BCAN: variants seen among roughly 807,000 people sequenced by gnomAD.
The protein encoded by BCAN is brevican core protein.
BCAN carries 51 observed loss-of-function variants against 92.4 expected under a neutral mutation model. The observed-to-expected ratio is 0.55, with a 90% CI of 0.44 to 0.70. BCAN has a LOEUF of 0.70. Ranked by LOEUF, BCAN falls within the 30% of genes least tolerant of loss-of-function variation. BCAN has a pLI of 0.00. For missense variants in BCAN, 1,140 were observed against 1,212.1 expected (o/e 0.94, Z 0.88); for synonymous variants, 501 against 505.2 (o/e 0.99, Z 0.11).
chr1:156,645,404 A>C (rs1678929514), intron 1 of BCAN, among the ~76,000 whole-genome samples: 1 of 152,140 alleles, frequency 6.6e-6, no homozygotes, highest in South Asian at 2.1e-4. Context: ...TAAAGAGAGG[A>C]GTTTCCTTAC....
At position 156,647,217 on chromosome 1, in the gene BCAN, G is replaced by A. The variant is rs1242634653; in HGVS notation, c.466+42G>A. On this transcript the variant is annotated intron_variant, in intron 3 of 13. Transcript: ENST00000329117. This position sits in a 1 kb window ranked among gnomAD's most constrained non-coding sequence, Gnocchi z 4.8. ...GTTCCAGAGGGAGGGAGGGAGGGAG[G>A]GAAGGGAGGACTCTTGCCTTCGGGG... 1.5e-6 allele frequency: 2 copies of A among 1,300,890 alleles called. No individual in the cohort carries two copies. Among genetic ancestry groups the A allele is most frequent in the Non-Finnish European group, 2.1e-6 (2 of 946,798 alleles). The allele number at this position is 1,300,890 out of a possible 1,614,324, so 80.6% of individuals were successfully genotyped here.
At chr1:156,657,581 G>C in intron 10 of BCAN, 94 bp from the exon 11 acceptor site, 1 of 979,460 alleles carries the variant, frequency 1.0e-6, no homozygotes, top group Non-Finnish European at 1.5e-6. Flanking sequence ...TCGCGGGGAA[G>C]GGTTTCCAAG....
intron 1 of BCAN, among the ~76,000 whole-genome samples, chr1:156,645,524 C>G (rs1236617022): frequency 1.3e-5 from 2 of 151,898 alleles, no homozygotes; most frequent in African/African-American, 4.8e-5. Flanking sequence ...GTATGGTGTC[C>G]CTGGAGGCAG....
intron 1 of BCAN, among the ~76,000 whole-genome samples, chr1:156,645,057 C>T (rs1678914475): frequency 6.6e-6 from 1 of 152,232 alleles, no homozygotes; most frequent in Admixed American, 6.5e-5. Flanking sequence ...TTCTCAATGT[C>T]ACAACACATC....
At position 156,658,172 on chromosome 1, in the gene BCAN, T is replaced by C. The variant is rs1230554852; in HGVS notation, c.2338T>C (p.Ser780Pro). 1 of 1,613,928 alleles carries C rather than the reference T, an allele frequency of 6.2e-7. No individual in the cohort carries two copies. Among genetic ancestry groups the C allele is most frequent in the Non-Finnish European group, 8.5e-7 (1 of 1,179,988 alleles). Residue 780 changes from serine (S) to proline (P), a missense_variant, in exon 12 of 14, where the codon TCT becomes CCT. By Grantham distance (74) the Ser-to-Pro change is moderately conservative (BLOSUM62 -1). This residue lies in a region of BCAN where 825 missense variants were observed against 871.8 expected (regional missense o/e 0.95). Coordinates refer to ENST00000329117, the MANE Select transcript of BCAN (RefSeq NM_021948.5). The surrounding 1 kb of genome is among the most constrained non-coding windows in gnomAD (Gnocchi z 4.4). Reference protein sequence around the residue: ...NPGQPDSYFLSGENCVVMVWH... With the variant: ...NPGQPDSYFLPGENCVVMVWH... ...TGGGCAGCCTGACAGCTACTTCCTG[T>C]CTGGAGAGAACTGCGTGGTCATGGT... is the stretch of plus-strand genomic sequence containing the variant.
intron 7 of BCAN, 130 bp from the exon 8 acceptor site, chr1:156,652,118 C>G: frequency 8.0e-7 from 1 of 1,254,506 alleles, no homozygotes; most frequent in Non-Finnish European, 1.1e-6. Flanking sequence ...GACCACCTGT[C>G]CTCAGGGCGG....
chr1:156,650,125 GGTAGTA>G (rs376981111), intron 6 of BCAN, among the ~76,000 whole-genome samples: 4 of 151,432 alleles, frequency 2.6e-5, no homozygotes, highest in African/African-American at 9.7e-5. Flanking sequence ...CTGGAACAGG[GGTAGTA>G]GTAGTAGTAG....
chr1:156,651,735 T>C (rs1360016373), intron 7 of BCAN, 46 bp downstream of exon 7: 3 of 1,532,996 alleles, frequency 2.0e-6, no homozygotes, highest in African/African-American at 2.7e-5. Flanking sequence ...TGAAAGAAGT[T>C]GGGGGCAGAA....
Position 156,658,138 on chromosome 1 carries a change from C to G in BCAN, c.2304C>G (p.Asn768Lys), listed in dbSNP as rs763026907. ...WSDGVPLLYE[N>K]WNPGQPDSYF... ...CTCCGTTCCCCCAGCTCTATGAGAA[C>G]TGGAACCCTGGGCAGCCTGACAGCT... The change falls in exon 12 of 14, where the codon AAC becomes AAG. Residue 768 changes from asparagine (N) to lysine (K), a missense_variant. Physicochemically the swap from Asn to Lys is moderately conservative, Grantham distance 94. Coordinates refer to ENST00000329117, the MANE Select transcript of BCAN (RefSeq NM_021948.5). This position sits in a 1 kb window ranked among gnomAD's most constrained non-coding sequence, Gnocchi z 4.4. 1.7e-5 allele frequency: 28 copies of G among 1,613,842 alleles called. No homozygotes were observed. Among genetic ancestry groups the G allele is most frequent in the Non-Finnish European group, 2.2e-5 (26 of 1,179,916 alleles).
At chr1:156,655,736 G>T (rs1679302023) in intron 8 of BCAN, among the ~76,000 whole-genome samples, 2 of 152,086 alleles carry the variant, frequency 1.3e-5, no homozygotes, top group Admixed American at 6.5e-5. Flanking sequence ...CAGGTCTCAG[G>T]AGCAGTCAAG....
intron 8 of BCAN, among the ~76,000 whole-genome samples, chr1:156,655,447 T>A (rs562833499): frequency 1.1e-4 from 17 of 151,922 alleles, no homozygotes; most frequent in African/African-American, 3.1e-4. Context: ...AGGCCCAAAG[T>A]GGAGTTGGGA....
chr1:156,646,112 G>A lies in BCAN; in HGVS notation c.58G>A (p.Ala20Thr). ...CCTGGTCCTGGCCCAGGCTCCTGCA[G>A]CTTTAGCAGATGTTCTGGAAGGAGA... ...AALVLAQAPA[A>T]LADVLEGDSS... Residue 20 changes from alanine (A) to threonine (T), a missense_variant, in exon 2 of 14, where the codon GCT becomes ACT. Around this residue, in one of 3 missense-constraint regions of BCAN, gnomAD observed 286 missense variants for 284.1 expected, o/e 1.01. Transcript: ENST00000329117. 1 of 1,613,896 alleles carries A rather than the reference G, an allele frequency of 6.2e-7. No individual in the cohort carries two copies. Among genetic ancestry groups the A allele is most frequent in the Non-Finnish European group, 8.5e-7 (1 of 1,179,804 alleles).
chr1:156,647,211 A>T lies in BCAN; in HGVS notation c.466+36A>T. 2 of 204,720 alleles carry T rather than the reference A, an allele frequency of 9.8e-6. No individual in the cohort carries two copies. The highest frequency in any genetic ancestry group is 2.0e-5 in the Non-Finnish European group (2 of 100,122). 12.7% of individuals were successfully genotyped at this position (204,720 alleles called of 1,614,324 possible). A position where few individuals can be genotyped will look rare whatever the true frequency, so the allele number is the denominator to read the frequency against. On this transcript the variant is annotated intron_variant, in intron 3 of 13. Transcript: ENST00000329117. The surrounding 1 kb of genome is among the most constrained non-coding windows in gnomAD (Gnocchi z 4.8). The stretch of plus-strand genomic sequence containing the variant: ...AGGGAGGTTCCAGAGGGAGGGAGGG[A>T]GGGAGGGAAGGGAGGACTCTTGCCT...
In BCAN at chr1:156,642,608, G is replaced by A. The variant is rs1678824928; in HGVS notation, c.-9+333G>A. 1.3e-5 allele frequency: 2 copies of A among 152,424 alleles called. No individual in the cohort carries two copies. The highest frequency in any genetic ancestry group is 2.4e-5 in the African/African-American group (1 of 41,478). 9.4% of individuals were successfully genotyped at this position (152,424 alleles called of 1,614,324 possible). On this transcript the variant is annotated intron_variant, in intron 1 of 13. Transcript: ENST00000329117. The surrounding 1 kb of genome is among the most constrained non-coding windows in gnomAD (Gnocchi z 4.2). Reference sequence around the variant, plus strand: ...CGCCGAGATTTCCGACCTTGTCCCAGGCAGGGCGGTAGCGTTCCGGATCAG... The same window carrying A: ...CGCCGAGATTTCCGACCTTGTCCCAAGCAGGGCGGTAGCGTTCCGGATCAG...
intron 6 of BCAN, among the ~76,000 whole-genome samples, chr1:156,650,843 T>A (rs1679138138): frequency 6.6e-6 from 1 of 152,206 alleles, no homozygotes; most frequent in Non-Finnish European, 1.5e-5. Context: ...CTTGGGAGGC[T>A]GAGACGGGAG....
In BCAN at chr1:156,657,681, A is replaced by AC. The variant is rs1253000347; in HGVS notation, c.2218dup (p.Arg740ProfsTer28). 6.2e-7 allele frequency: 1 copy of AC among 1,609,996 alleles called. No homozygotes were observed. The highest frequency in any genetic ancestry group is 1.7e-5 in the Admixed American group (1 of 58,322). The stretch of plus-strand genomic sequence containing the variant: ...CACGCCTTCGTCTCCCTAGACCGGT[A>AC]CCGGGAGTACCAGTGGATCGGACTC... On this transcript the variant is annotated frameshift_variant, in exon 11 of 14. Transcript: ENST00000329117. LOFTEE classifies it high-confidence loss of function.
chr1:156,655,613 G>A (rs1334308348), intron 8 of BCAN, among the ~76,000 whole-genome samples: 1 of 152,168 alleles, frequency 6.6e-6, no homozygotes, highest in Non-Finnish European at 1.5e-5. Flanking sequence ...AGAAGGGGCA[G>A]GGCCTAGAGT....
chr1:156,659,136 G>A lies in BCAN; in HGVS notation c.*2G>A, dbSNP rs1018218302. 1 of 1,567,026 alleles carries A rather than the reference G, an allele frequency of 6.4e-7. No homozygotes were observed. The highest frequency in any genetic ancestry group is 8.6e-7 in the Non-Finnish European group (1 of 1,157,874). On this transcript the variant is annotated 3_prime_UTR_variant, in exon 14 of 14. Transcript: ENST00000329117. Reference sequence around the variant, plus strand: ...TCCAGCCCCATGCCAGGTCCCTAGGGGGCAAGGCCTTGAACACTGCCGGCC... The same window carrying A: ...TCCAGCCCCATGCCAGGTCCCTAGGAGGCAAGGCCTTGAACACTGCCGGCC...
Position 156,658,846 on chromosome 1 carries a change from C to A in BCAN, c.2628+113C>A. On this transcript the variant is annotated intron_variant, in intron 13 of 13. Transcript: ENST00000329117. This position sits in a 1 kb window ranked among gnomAD's most constrained non-coding sequence, Gnocchi z 4.4. ...CATGTGACCTTGGAGCCATCACTGC[C>A]CCTCTCTGAGGCAAAGGGGAAGAGG... The A allele has an allele frequency of 1.3e-6, 2 of 1,487,838 alleles. No individual in the cohort carries two copies. Among genetic ancestry groups the A allele is most frequent in the Non-Finnish European group, 1.8e-6 (2 of 1,088,716 alleles). 92.2% of individuals were successfully genotyped at this position (1,487,838 alleles called of 1,614,324 possible).
Sources: allele counts gnomAD v4.1 joint callset (sites outside exome capture counted in the v4.1 genomes callset), GRCh38; gene constraint gnomAD v4.1.1; regional missense constraint gnomAD v4.1.1; non-coding constraint Gnocchi (gnomAD v3.1); transcripts MANE v1.5; gene names NCBI Gene and HGNC (gene_info 2026-07-23, HGNC 2026-07-21).